The following DIAPH3 variants were observed in gnomAD, a reference collection of about 807,000 sequenced individuals.
DIAPH3 encodes the protein diaphanous related formin 3, also known as protein diaphanous homolog 3.
In DIAPH3, 117 loss-of-function variants were observed where a neutral mutation model predicts 144.3. The ratio of observed to expected loss-of-function variants is 0.81; its 90% CI spans 0.70 to 0.95. The LOEUF (loss-of-function observed/expected upper bound fraction) is 0.95, where lower values mean the gene tolerates loss of function less well. DIAPH3 is among the 40% of genes least tolerant of loss of function. The probability of loss-of-function intolerance (pLI) is 0.00; values close to 1 mark genes in which losing one functional copy is unlikely to be tolerated. For synonymous variants in DIAPH3, 519 were observed against 488.9 expected (o/e 1.06, Z -0.81); for missense variants, 1,421 against 1,412.7 (o/e 1.01, Z -0.09).
intron 4 of DIAPH3, among the ~76,000 whole-genome samples, chr13:60,053,406 A>G (rs2141256835): frequency 6.6e-6 from 1 of 152,278 alleles, no homozygotes; most frequent in African/African-American, 2.4e-5. Flanking sequence ...AATCTTTTTA[A>G]ATCCTTTAGC....
At chr13:59,738,870 T>C (rs1187489467) in intron 27 of DIAPH3, among the ~76,000 whole-genome samples, 8 of 152,232 alleles carry the variant, frequency 5.3e-5, no homozygotes, top group Non-Finnish European at 1.2e-4. Context: ...CCTTGTATAC[T>C]GAGATATTTT....
At chr13:60,131,536 G>A (rs898822434) in intron 2 of DIAPH3, among the ~76,000 whole-genome samples, 1 of 150,144 alleles carries the variant, frequency 6.7e-6, no homozygotes, top group Non-Finnish European at 1.5e-5. Flanking sequence ...AGTGAATCAC[G>A]AAAGACCACA....
chr13:59,722,018 T>A (rs891793222), intron 27 of DIAPH3, among the ~76,000 whole-genome samples: 8 of 152,176 alleles, frequency 5.3e-5, no homozygotes, highest in South Asian at 2.1e-4. Context: ...AATAAAGATA[T>A]AACCATATGA....
chr13:59,794,017 T>G (rs1044561098), intron 25 of DIAPH3, among the ~76,000 whole-genome samples: 1 of 152,214 alleles, frequency 6.6e-6, no homozygotes, highest in African/African-American at 2.4e-5. Context: ...TGTACTTGAC[T>G]ACCCATACAA....
chr13:59,963,456 CTATT>C, intron 17 of DIAPH3, among the ~76,000 whole-genome samples: 1 of 152,194 alleles, frequency 6.6e-6, no homozygotes, highest in African/African-American at 2.4e-5. Flanking sequence ...ATTTGCTATA[CTATT>C]TATTTAATAC....
chr13:59,918,944 C>CAAAAAAAAAAA (rs34985752), intron 18 of DIAPH3, among the ~76,000 whole-genome samples: 2 of 117,498 alleles, frequency 1.7e-5, no homozygotes, highest in Admixed American at 8.7e-5. Context: ...CAAGAAAATA[C>CAAAAAAAAAAA]AAAAAAAAAA....
intron 16 of DIAPH3, among the ~76,000 whole-genome samples, chr13:59,970,365 G>GAT (rs2050293998): frequency 6.6e-6 from 1 of 152,086 alleles, no homozygotes; most frequent in Non-Finnish European, 1.5e-5. Flanking sequence ...TGGTGGGCAG[G>GAT]ACACATTATA....
chr13:59,910,295 T>C (rs1253800822), intron 20 of DIAPH3, among the ~76,000 whole-genome samples: 1 of 149,544 alleles, frequency 6.7e-6, no homozygotes, highest in Non-Finnish European at 1.5e-5. Context: ...ACTAACCAAA[T>C]AATAGAAAAG....
chr13:59,857,644 G>C (rs769049620), intron 22 of DIAPH3, among the ~76,000 whole-genome samples: 4 of 152,164 alleles, frequency 2.6e-5, no homozygotes, highest in Non-Finnish European at 4.4e-5. Flanking sequence ...CCCTGGTCTA[G>C]AGCAGCAGTT....
intron 5 of DIAPH3, 50 bp downstream of exon 5, chr13:60,042,640 A>G: frequency 6.2e-7 from 1 of 1,610,050 alleles, no homozygotes. Context: ...TTAAACTAAA[A>G]GAACACATTA....
chr13:60,108,398 C>T (rs2058477685), intron 3 of DIAPH3, among the ~76,000 whole-genome samples: 1 of 152,040 alleles, frequency 6.6e-6, no homozygotes, highest in Non-Finnish European at 1.5e-5. Context: ...CACTTGAGGT[C>T]AGGAATTCGA....
chr13:59,796,218 T>C (rs750890219), intron 25 of DIAPH3, among the ~76,000 whole-genome samples: 7 of 152,218 alleles, frequency 4.6e-5, no homozygotes, highest in Non-Finnish European at 7.3e-5. Context: ...TCATTTCTAA[T>C]GACAGTTGTT....
At chr13:59,931,982 A>G (rs1454647917) in intron 17 of DIAPH3, among the ~76,000 whole-genome samples, 1 of 152,210 alleles carries the variant, frequency 6.6e-6, no homozygotes, top group African/African-American at 2.4e-5. Flanking sequence ...CAGATACCAT[A>G]TAACAACACT....
intron 4 of DIAPH3, among the ~76,000 whole-genome samples, chr13:60,069,535 T>C (rs1175539469): frequency 1.3e-5 from 2 of 152,152 alleles, no homozygotes; most frequent in Non-Finnish European, 2.9e-5. Context: ...GGAGTCTCCA[T>C]CGTAAAATAT....
intron 27 of DIAPH3, among the ~76,000 whole-genome samples, chr13:59,759,077 A>T (rs374071772): frequency 6.6e-6 from 1 of 151,618 alleles, no homozygotes; most frequent in African/African-American, 2.4e-5. Context: ...CAGGCATGAG[A>T]CACCACATCC....
intron 27 of DIAPH3, chr13:59,773,947 A>G (rs2038253644): frequency 2.2e-6 from 1 of 452,092 alleles, no homozygotes. Flanking sequence ...AACTTCAGAT[A>G]ATTATAATAA....
At chr13:59,874,626 G>A (rs1368085748) in intron 21 of DIAPH3, among the ~76,000 whole-genome samples, 1 of 152,056 alleles carries the variant, frequency 6.6e-6, no homozygotes, top group Non-Finnish European at 1.5e-5. Context: ...ATATTCTACT[G>A]CCATAGAAAA....
intron 2 of DIAPH3, among the ~76,000 whole-genome samples, chr13:60,112,983 T>C (rs1444880013): frequency 2.0e-5 from 3 of 152,144 alleles, no homozygotes; most frequent in Admixed American, 2.0e-4. Flanking sequence ...CAATCAAAAA[T>C]GCAAAAAGTC....
Position 59,992,524 on chromosome 13 carries a change from C to T in DIAPH3, c.1074G>A (p.Arg358=). The change falls in exon 10 of 28, where the codon AGG becomes AGA. Residue 358 remains arginine, a synonymous_variant. Coordinates refer to ENST00000400324, the MANE Select transcript of DIAPH3 (RefSeq NM_001042517.2). ...LVTSPDDLDF[R]LHIRNEFMRC... is the part of the protein sequence containing the mutation. Reference sequence around the variant, plus strand: ...GCATAAATTCATTTCTGATGTGAAGCCTGAAATCCAAATCATCAGGAGATG... The same window carrying T: ...GCATAAATTCATTTCTGATGTGAAGTCTGAAATCCAAATCATCAGGAGATG... 6.2e-7 allele frequency: 1 copy of T among 1,612,222 alleles called. No homozygotes were observed. Among genetic ancestry groups the T allele is most frequent in the South Asian group, 1.1e-5 (1 of 91,032 alleles).
Sources: gnomAD v4.1 joint callset for allele counts (sites outside exome capture counted in the v4.1 genomes callset) on GRCh38, gnomAD v4.1.1 for gene constraint, MANE v1.5 for transcripts, NCBI Gene and HGNC (gene_info 2026-07-23, HGNC 2026-07-21) for gene names.